The following UTP18 variants were observed in gnomAD, a reference collection of about 807,000 sequenced individuals.
The protein encoded by UTP18 is UTP18 small subunit processome component, also known as U3 small nucleolar RNA-associated protein 18 homolog.
In UTP18, 36 loss-of-function variants were observed where a neutral mutation model predicts 61.1. The observed-to-expected ratio is 0.59, with a 90% CI of 0.45 to 0.78. The LOEUF (loss-of-function observed/expected upper bound fraction) is 0.78, where lower values mean the gene tolerates loss of function less well. Among genes scored for constraint, UTP18 ranks in the 30% least tolerant of loss-of-function variants. The probability of loss-of-function intolerance (pLI) is 0.00; values close to 1 mark genes in which losing one functional copy is unlikely to be tolerated. For missense variants in UTP18, 753 were observed against 693.9 expected (o/e 1.09, Z -0.96); for synonymous variants, 282 against 251.1 (o/e 1.12, Z -1.16).
chr17:51,291,554 G>A (rs1455289184), intron 11 of UTP18, among the ~76,000 whole-genome samples: 5 of 152,040 alleles, frequency 3.3e-5, no homozygotes, highest in Non-Finnish European at 7.4e-5. Flanking sequence ...GGCCAACATG[G>A]TGAAACCCCA....
chr17:51,265,681 A>C (rs1310162795), intron 2 of UTP18, among the ~76,000 whole-genome samples: 2 of 145,302 alleles, frequency 1.4e-5, no homozygotes, highest in African/African-American at 5.2e-5. Context: ...CTTCTGCCTC[A>C]GCCTCCTGAG....
intron 11 of UTP18, among the ~76,000 whole-genome samples, chr17:51,290,270 G>T (rs886862316): frequency 2.0e-5 from 3 of 152,088 alleles, no homozygotes; most frequent in Admixed American, 2.0e-4. Flanking sequence ...ACAAATATTA[G>T]CTGGGCATTG....
At chr17:51,268,505 CAA>C (rs1181196228) in intron 3 of UTP18, among the ~76,000 whole-genome samples, 3 of 152,208 alleles carry the variant, frequency 2.0e-5, no homozygotes, top group Non-Finnish European at 4.4e-5. Flanking sequence ...GCATAAACCA[CAA>C]AGAGACTTCT....
At chr17:51,283,294 G>A (rs931134360) in intron 9 of UTP18, among the ~76,000 whole-genome samples, 2 of 151,076 alleles carry the variant, frequency 1.3e-5, no homozygotes, top group African/African-American at 4.9e-5. Context: ...TCAGCCTCCT[G>A]GGTAGCTGGG....
At chr17:51,272,342 A>G (rs948016178) in intron 4 of UTP18, among the ~76,000 whole-genome samples, 1 of 151,852 alleles carries the variant, frequency 6.6e-6, no homozygotes, top group African/African-American at 2.4e-5. Context: ...CAGGTGATCC[A>G]CTCACCTCGG....
At chr17:51,262,514 G>T (rs1220409141) in intron 1 of UTP18, among the ~76,000 whole-genome samples, 2 of 151,942 alleles carry the variant, frequency 1.3e-5, no homozygotes, top group African/African-American at 2.4e-5. Context: ...GGAGTGTAGC[G>T]GCACCTATTA....
At chr17:51,283,605 G>C (rs1420851968) in intron 9 of UTP18, among the ~76,000 whole-genome samples, 2 of 145,764 alleles carry the variant, frequency 1.4e-5, no homozygotes, top group Admixed American at 1.4e-4. Context: ...TTTTGTCTTT[G>C]TTTACTCATG....
In UTP18 at chr17:51,280,470, G is replaced by T. The variant is rs370144932; in HGVS notation, c.1195G>T (p.Ala399Ser). 1 of 1,613,914 alleles carries T rather than the reference G, an allele frequency of 6.2e-7. No homozygotes were observed. Among genetic ancestry groups the T allele is most frequent in the South Asian group, 1.1e-5 (1 of 91,040 alleles). Residue 399 changes from alanine to serine, a missense_variant, in exon 9 of 14, where the codon GCC becomes TCC. Physicochemically the swap from Ala to Ser is moderately conservative, Grantham distance 99 (BLOSUM62 1). Transcript: ENST00000225298. ...CTCTTCAGATAGTAAGAAAGTATAC[G>T]CCTCTTCGGGTAAGACAACGACATG... Reference protein sequence around the residue: ...TFSSDSKKVYASSGDGEVYVW... With the variant: ...TFSSDSKKVYSSSGDGEVYVW...
chr17:51,266,280 A>T lies in UTP18; in HGVS notation c.554A>T (p.Glu185Val). 6.3e-7 allele frequency: 1 copy of T among 1,583,430 alleles called. No homozygotes were observed. The highest frequency in any genetic ancestry group is 8.6e-7 in the Non-Finnish European group (1 of 1,168,536). Reference protein sequence around the residue: ...KDNLKKRLKEEFQHAMGGVPA... With the variant: ...KDNLKKRLKEVFQHAMGGVPA... ...AACCTTAAAAAGAGACTTAAAGAAG[A>T]GTAAGTGTCTTTTTTCATATGATTT... The change falls in exon 3 of 14, where the codon GAA becomes GTA. Residue 185 changes from glutamate to valine, a missense_variant and splice_region_variant. Physicochemically the swap from Glu to Val is moderately radical, Grantham distance 121. Transcript: ENST00000225298.
At chr17:51,267,366 T>C (rs908853640) in intron 3 of UTP18, among the ~76,000 whole-genome samples, 1 of 152,128 alleles carries the variant, frequency 6.6e-6, no homozygotes, top group Non-Finnish European at 1.5e-5. Context: ...CACATAACAG[T>C]GTTAGGCATT....
chr17:51,292,979 G>A (rs989393010), intron 11 of UTP18, among the ~76,000 whole-genome samples: 1 of 152,156 alleles, frequency 6.6e-6, no homozygotes, highest in African/African-American at 2.4e-5. Flanking sequence ...AGTACAAAAT[G>A]GCAATTTTAT....
intron 6 of UTP18, among the ~76,000 whole-genome samples, chr17:51,276,404 G>A (rs1030838437): frequency 2.0e-5 from 3 of 152,176 alleles, no homozygotes; most frequent in Non-Finnish European, 4.4e-5. Flanking sequence ...TAAAATAGTG[G>A]TTTAAAATAA....
At chr17:51,281,552 A>G (rs1389735196) in intron 9 of UTP18, among the ~76,000 whole-genome samples, 3 of 152,142 alleles carry the variant, frequency 2.0e-5, no homozygotes, top group Non-Finnish European at 4.4e-5. Flanking sequence ...AGAATAGATT[A>G]GTGGTTGTGA....
At chr17:51,282,867 C>CTTTTTTTTTT (rs534175274) in intron 9 of UTP18, among the ~76,000 whole-genome samples, 22 of 120,692 alleles carry the variant, frequency 1.8e-4, no homozygotes, top group South Asian at 3.0e-4. Flanking sequence ...TCTTCTTCTT[C>CTTTTTTTTTT]TTTTTTTTTT....
In UTP18 at chr17:51,283,147, G is replaced by A. The variant is rs538487900; in HGVS notation, c.1205-2098G>A. ...GCCTCCCAAAGTGCTAGGATTACAG[G>A]CGTGAGCCACCGCGCCCAGCCACTT... is the stretch of plus-strand genomic sequence containing the variant. On this transcript the variant is annotated intron_variant, in intron 9 of 13. Coordinates refer to ENST00000225298, the MANE Select transcript of UTP18 (RefSeq NM_016001.3). Among the ~76,000 whole-genome samples the A allele has an allele frequency of 4.0e-5, 6 of 150,762 alleles. No individual in the cohort carries two copies. The South Asian group carries it at 1.3e-3, about 32-fold the overall frequency.
intron 5 of UTP18, 48 bp downstream of exon 5, chr17:51,273,498 C>A (rs958397697): frequency 2.1e-6 from 3 of 1,418,940 alleles, no homozygotes; most frequent in African/African-American, 1.4e-5. Flanking sequence ...CTTACCTCTG[C>A]AGTTTAATTT....
intron 1 of UTP18, among the ~76,000 whole-genome samples, chr17:51,261,984 G>A (rs2055502159): frequency 6.6e-6 from 1 of 152,158 alleles, no homozygotes; most frequent in South Asian, 2.1e-4. Context: ...TGGGTTTGAA[G>A]GCTATTAGAC....
At chr17:51,282,867 C>CTTTTTTT (rs534175274) in intron 9 of UTP18, among the ~76,000 whole-genome samples, 53 of 120,692 alleles carry the variant, frequency 4.4e-4, no homozygotes, top group Non-Finnish European at 6.2e-4. Flanking sequence ...TCTTCTTCTT[C>CTTTTTTT]TTTTTTTTTT....
chr17:51,271,554 C>G (rs1904531071), intron 4 of UTP18, among the ~76,000 whole-genome samples: 2 of 147,450 alleles, frequency 1.4e-5, no homozygotes, highest in Admixed American at 1.3e-4. Flanking sequence ...TATCCTTTTT[C>G]TTTCTGTACT....
Sources: gnomAD v4.1 joint callset for allele counts (sites outside exome capture counted in the v4.1 genomes callset) on GRCh38, gnomAD v4.1.1 for gene constraint, MANE v1.5 for transcripts, NCBI Gene and HGNC (gene_info 2026-07-23, HGNC 2026-07-21) for gene names.